Variants in BRWD3 observed in about 807,000 individuals in gnomAD.
BRWD3 encodes the protein bromodomain and WD repeat domain containing 3, also known as bromodomain and WD repeat-containing protein 3.
In BRWD3, 10 loss-of-function variants were observed where a neutral mutation model predicts 149.7. The ratio of observed to expected loss-of-function variants is 0.07; its 90% CI spans 0.04 to 0.11. The LOEUF is 0.11. Ranked by LOEUF, BRWD3 falls within the 10% of genes least tolerant of loss-of-function variation. The probability of loss-of-function intolerance (pLI) is 1.00; values close to 1 mark genes in which losing one functional copy is unlikely to be tolerated. For synonymous variants in BRWD3, 504 were observed against 456.7 expected, an observed-to-expected ratio of 1.10 and a Z score of -1.32; for missense variants, 940 against 1,373.2, an observed-to-expected ratio of 0.68 and a Z score of 4.99.
Position 80,677,082 on chromosome X carries a change from T to C in BRWD3, c.4936A>G (p.Ile1646Val). 8.3e-7 allele frequency: 1 copy of C among 1,211,727 alleles called. No individual in the cohort carries two copies. Among genetic ancestry groups the C allele is most frequent in the Non-Finnish European group, 1.1e-6 (1 of 895,350 alleles). The change falls in exon 41 of 41, where the codon ATA becomes GTA. Residue 1646 changes from isoleucine to valine, a missense_variant. By Grantham distance (29) the Ile-to-Val change is conservative. This residue lies in a region of BRWD3 where 349 missense variants were observed against 419.6 expected (regional missense o/e 0.83). Transcript: ENST00000373275. ...AGTTTTCTTTTAGGTCTGGTTTGTATGAATTTGCTATAATCATGGTCTCCA... is the reference window on the plus strand; with the variant it reads ...AGTTTTCTTTTAGGTCTGGTTTGTACGAATTTGCTATAATCATGGTCTCCA... Reference protein sequence around the residue: ...VDGDHDYSKFIQTRPKRKLRK... With the variant: ...VDGDHDYSKFVQTRPKRKLRK...
At chrX:80,743,434 T>A (rs1166048198) in intron 8 of BRWD3, among the ~76,000 whole-genome samples, 2 of 111,971 alleles carry the variant, frequency 1.8e-5, no homozygotes, top group Admixed American at 9.5e-5. Flanking sequence ...GAGGATTCCC[T>A]CTTTTTCTAT....
At chrX:80,784,449 A>C (rs993942108) in intron 6 of BRWD3, among the ~76,000 whole-genome samples, 2 of 111,435 alleles carry the variant, frequency 1.8e-5, no homozygotes, top group Admixed American at 1.9e-4. Flanking sequence ...TACATAGGTA[A>C]ATATGTACCA....
intron 24 of BRWD3, among the ~76,000 whole-genome samples, chrX:80,700,649 A>G (rs767744853): frequency 1.8e-3 from 187 of 105,762 alleles, no homozygotes; most frequent in African/African-American, 5.9e-3. Flanking sequence ...ACGCAGGAGA[A>G]TCACTTGAAC....
intron 6 of BRWD3, among the ~76,000 whole-genome samples, chrX:80,751,876 C>T (rs1402281553): frequency 9.1e-6 from 1 of 110,131 alleles, no homozygotes; most frequent in East Asian, 2.8e-4. Context: ...CCAGTTCCAT[C>T]CGTATTGCTG....
intron 6 of BRWD3, among the ~76,000 whole-genome samples, chrX:80,778,355 G>C (rs2074020699): frequency 8.9e-6 from 1 of 111,966 alleles, no homozygotes; most frequent in Admixed American, 9.5e-5. Context: ...AGAAACAGTA[G>C]CTGCACATCT....
chrX:80,795,366 CAT>C lies in BRWD3; in HGVS notation c.181-1596_181-1595del, dbSNP rs201501896. On this transcript the variant is annotated intron_variant, in intron 4 of 40. Coordinates refer to ENST00000373275, the MANE Select transcript of BRWD3 (RefSeq NM_153252.5). Reference sequence around the variant, plus strand: ...GTGTATATATATACACACACACACACATGTGTATATATACACACATATATACA... The same window carrying C: ...GTGTATATATATACACACACACACACGTGTATATATACACACATATATACA... 6.3e-3 allele frequency among the ~76,000 whole-genome samples: 688 copies of C among 109,343 alleles called. 5 individuals are homozygous for C. Among genetic ancestry groups the C allele is most frequent in the African/African-American group, 0.02 (586 of 30,003 alleles). 95.0% of individuals were successfully genotyped at this position (109,343 alleles called of 115,157 possible).
At position 80,722,746 on chromosome X, in the gene BRWD3, A is replaced by T. The variant is rs978920424; in HGVS notation, c.1692T>A (p.Leu564=). The T allele has an allele frequency of 2.5e-6, 3 of 1,210,953 alleles. No homozygotes were observed. In the South Asian group the frequency reaches 5.3e-5, roughly 21 times the overall value. The stretch of plus-strand genomic sequence containing the variant: ...ATACATAGTTATTGGCATCACGAAT[A>T]AGAGGACGATAATCCGTGTGGAAGA... ...QMFFHTDYRP[L]IRDANNYVLD... The change falls in exon 17 of 41, where the codon CTT becomes CTA. Residue 564 remains leucine, a synonymous_variant. Coordinates refer to ENST00000373275, the MANE Select transcript of BRWD3 (RefSeq NM_153252.5).
intron 6 of BRWD3, among the ~76,000 whole-genome samples, chrX:80,777,469 T>C (rs1353731252): frequency 9.0e-6 from 1 of 111,506 alleles, no homozygotes; most frequent in African/African-American, 3.3e-5. Context: ...CACAGCTCAC[T>C]GCAGCCTCAA....
At chrX:80,801,212 A>AACT (rs1487012369) in intron 4 of BRWD3, among the ~76,000 whole-genome samples, 3 of 79,871 alleles carry the variant, frequency 3.8e-5, no homozygotes, top group Admixed American at 1.8e-4. Context: ...ATGAGAAAAC[A>AACT]TCTTTTTTTT....
chrX:80,687,690 GGGAATCT>G (rs1435565038), intron 34 of BRWD3, among the ~76,000 whole-genome samples: 1 of 110,141 alleles, frequency 9.1e-6, no homozygotes, highest in African/African-American at 3.3e-5. Context: ...ATTTCCTTCT[GGGAATCT>G]GGAATCTTAG....
chrX:80,781,205 G>A (rs960128136), intron 6 of BRWD3, among the ~76,000 whole-genome samples: 3 of 111,244 alleles, frequency 2.7e-5, no homozygotes, highest in Non-Finnish European at 5.7e-5. Context: ...TGAAAACAGA[G>A]CTCCCATAAA....
At chrX:80,710,155 T>C in intron 20 of BRWD3, 2 of 524,199 alleles carry the variant, frequency 3.8e-6, no homozygotes, top group Non-Finnish European at 7.0e-6. Flanking sequence ...TTACTGATGA[T>C]GGTAAACTGT....
rs971609483 is a variant in BRWD3, at chrX:80,670,400, G to C, written c.*6209C>G. On this transcript the variant is annotated 3_prime_UTR_variant, in exon 41 of 41. Coordinates refer to ENST00000373275, the MANE Select transcript of BRWD3 (RefSeq NM_153252.5). The stretch of plus-strand genomic sequence containing the variant: ...TAAATTGTCAAGAACATATAATTGA[G>C]AGAGGATGGAGAGCACCTTTTTCTT... Among the ~76,000 whole-genome samples the C allele has an allele frequency of 2.7e-5, 3 of 110,184 alleles. No individual in the cohort carries two copies. Among genetic ancestry groups the C allele is most frequent in the Admixed American group, 9.7e-5 (1 of 10,284 alleles).
chrX:80,764,176 A>G (rs942251013), intron 6 of BRWD3, among the ~76,000 whole-genome samples: 1 of 112,670 alleles, frequency 8.9e-6, no homozygotes, highest in African/African-American at 3.2e-5. Flanking sequence ...AAGAATAATG[A>G]ACGTTGACCT....
chrX:80,764,798 C>T (rs972288373), intron 6 of BRWD3, among the ~76,000 whole-genome samples: 1 of 110,940 alleles, frequency 9.0e-6, no homozygotes, highest in African/African-American at 3.3e-5. Context: ...ATCTAGAATA[C>T]ATGAAAAACT....
At chrX:80,792,629 C>T (rs1313836687) in intron 5 of BRWD3, among the ~76,000 whole-genome samples, 1 of 111,832 alleles carries the variant, frequency 8.9e-6, no homozygotes, top group Non-Finnish European at 1.9e-5. Flanking sequence ...GGTATCATTA[C>T]ACAACTATTT....
In BRWD3 at chrX:80,696,519, TACACACAC is replaced by T. The variant is rs560341387; in HGVS notation, c.3068+212_3068+219del. Among the ~76,000 whole-genome samples, 2,577 of 82,081 alleles carry T rather than the reference TACACACAC, an allele frequency of 0.031. 93 individuals are homozygous for T. The highest frequency in any genetic ancestry group is 0.096 in the African/African-American group (2,163 of 22,589). The allele number at this position is 82,081 out of a possible 115,157, so 71.3% of individuals were successfully genotyped here. A position where few individuals can be genotyped will look rare whatever the true frequency, so the allele number is the denominator to read the frequency against. On this transcript the variant is annotated intron_variant, in intron 26 of 40. Coordinates refer to ENST00000373275, the MANE Select transcript of BRWD3 (RefSeq NM_153252.5). ...TCTATGTAACTATCCATAACATAAATACACACACACACACACACACACACACACACACA... is the reference window on the plus strand; with the variant it reads ...TCTATGTAACTATCCATAACATAAATACACACACACACACACACACACACA...
chrX:80,791,335 T>A (rs1346388786), intron 6 of BRWD3, among the ~76,000 whole-genome samples: 1 of 111,606 alleles, frequency 9.0e-6, no homozygotes, highest in East Asian at 2.8e-4. Context: ...TAGTTTTGTA[T>A]CTAGATCTCT....
intron 25 of BRWD3, among the ~76,000 whole-genome samples, chrX:80,699,210 G>A (rs982590959): frequency 1.9e-4 from 21 of 110,720 alleles, no homozygotes; most frequent in African/African-American, 4.6e-4. Context: ...GCGAGACTCC[G>A]TTGCAAAATA....
Sources: gnomAD v4.1 joint callset for allele counts (sites outside exome capture counted in the v4.1 genomes callset) on GRCh38, gnomAD v4.1.1 for gene constraint, gnomAD v4.1.1 regional missense constraint, MANE v1.5 for transcripts, NCBI Gene and HGNC (gene_info 2026-07-23, HGNC 2026-07-21) for gene names.